Variants in CELSR3 observed in about 807,000 individuals in gnomAD.
The protein encoded by CELSR3 is cadherin EGF LAG seven-pass G-type receptor 3.
Under a neutral mutation model 270.0 loss-of-function variants are expected in CELSR3, and 73 were observed. The observed-to-expected ratio is 0.27, with a 90% confidence interval of 0.22 to 0.33. The LOEUF is 0.33. Ranked by LOEUF, CELSR3 falls within the 10% of genes least tolerant of loss-of-function variation. CELSR3 has a pLI of 1.00. For synonymous variants in CELSR3, 1,780 were observed against 1,905.4 expected (o/e 0.93, Z 1.71); for missense variants, 3,614 against 4,533.8 (o/e 0.80, Z 5.83).
rs2106716618 is a variant in CELSR3, at chr3:48,655,507, C to T, written c.4742-113G>A. The stretch of plus-strand genomic sequence containing the variant: ...CCCTGGATGCATCAGATCAGTCCCC[C>T]CACTGGTGACCACAATGGCTGGCTC... On this transcript the variant is annotated intron_variant, in intron 4 of 34. Coordinates refer to ENST00000164024, the MANE Select transcript of CELSR3 (RefSeq NM_001407.3). The surrounding 1 kb of genome is among the most constrained non-coding windows in gnomAD (Gnocchi z 5.8). The T allele has an allele frequency of 9.4e-7, 1 of 1,059,146 alleles. No individual in the cohort carries two copies. Among genetic ancestry groups the T allele is most frequent in the Non-Finnish European group, 1.4e-6 (1 of 697,154 alleles). 65.6% of individuals were successfully genotyped at this position (1,059,146 alleles called of 1,614,324 possible).
At chr3:48,649,054 G>C in intron 17 of CELSR3, 67 bp downstream of exon 17, 1 of 1,543,584 alleles carries the variant, frequency 6.5e-7, no homozygotes, top group Admixed American at 1.8e-5. Flanking sequence ...GCTAGGGTGT[G>C]GTATCTGGGG....
rs1469442691 is a variant in CELSR3, at chr3:48,650,992, T to G, written c.6270A>C (p.Ala2090=). The change falls in exon 15 of 35, where the codon GCA becomes GCC. Residue 2090 remains alanine, a synonymous_variant. Transcript: ENST00000164024. This position sits in a 1 kb window ranked among gnomAD's most constrained non-coding sequence, Gnocchi z 5.1. ...YPVGSTSRSC[A]PHSGQCPCRP... ...GACAGGGGCACTGCCCGCTGTGGGG[T>G]GCACATGAGCGCGAGGTGGAGCCCA... is the stretch of plus-strand genomic sequence containing the variant. 1.2e-6 allele frequency: 2 copies of G among 1,610,348 alleles called. No individual in the cohort carries two copies. The highest frequency in any genetic ancestry group is 1.7e-6 in the Non-Finnish European group (2 of 1,179,094).
At position 48,641,444 on chromosome 3, in the gene CELSR3, C is replaced by A. The variant is rs146285563; in HGVS notation, c.8905G>T (p.Gly2969Cys). Residue 2969 changes from glycine (G) to cysteine (C), a missense_variant, in exon 33 of 35, where the codon GGC (glycine) becomes TGC (cysteine). By Grantham distance (159) the Gly-to-Cys change is radical. Transcript: ENST00000164024. This position sits in a 1 kb window ranked among gnomAD's most constrained non-coding sequence, Gnocchi z 4.8. ...TCCAGCCCCAGGCGCCTTTCAGAGC[C>A]CCAAGTCTGCAGAGCACAGGGGGCT... ...EAAPCALQTWGSERRLGLDTS... is the reference protein window; with the variant it reads ...EAAPCALQTWCSERRLGLDTS... 1.1e-5 allele frequency: 17 copies of A among 1,612,580 alleles called. No homozygotes were observed. The highest frequency in any genetic ancestry group is 1.7e-4 in the Middle Eastern group (1 of 5,990).
chr3:48,656,422 C>G, intron 2 of CELSR3, 57 bp from the exon 3 acceptor site: 1 of 1,366,522 alleles, frequency 7.3e-7, no homozygotes, highest in South Asian at 1.7e-5. Context: ...CTGCTCCGGC[C>G]CCTTCAAAGA....
chr3:48,645,370 CT>C lies in CELSR3; in HGVS notation c.7797+72del. On this transcript the variant is annotated intron_variant, in intron 24 of 34. Coordinates refer to ENST00000164024, the MANE Select transcript of CELSR3 (RefSeq NM_001407.3). This position sits in a 1 kb window ranked among gnomAD's most constrained non-coding sequence, Gnocchi z 5.4. ...ACCTGAGCATCCCTGACCTCTGACCCTGAGTTTTGGCCCCAGGCCTCCTGGG... is the reference window on the plus strand; with the variant it reads ...ACCTGAGCATCCCTGACCTCTGACCCGAGTTTTGGCCCCAGGCCTCCTGGG... The C allele has an allele frequency of 6.3e-7, 1 of 1,595,094 alleles. No homozygotes were observed. The highest frequency in any genetic ancestry group is 8.6e-7 in the Non-Finnish European group (1 of 1,164,972).
intron 20 of CELSR3, 151 bp from the exon 21 acceptor site, chr3:48,647,079 AAG>A (rs2047090859): frequency 1.4e-6 from 1 of 694,792 alleles, no homozygotes; most frequent in Non-Finnish European, 2.2e-6. Flanking sequence ...AGTAACAGTC[AAG>A]GCCTGGGAGG....
Position 48,654,173 on chromosome 3 carries a change from T to C in CELSR3, c.5152+116A>G. 1 of 1,515,776 alleles carries C rather than the reference T, an allele frequency of 6.6e-7. No individual in the cohort carries two copies. Among genetic ancestry groups the C allele is most frequent in the Non-Finnish European group, 8.9e-7 (1 of 1,117,714 alleles). 93.9% of individuals were successfully genotyped at this position (1,515,776 alleles called of 1,614,324 possible). A position where few individuals can be genotyped will look rare whatever the true frequency, so the allele number is the denominator to read the frequency against. On this transcript the variant is annotated intron_variant, in intron 7 of 34. Transcript: ENST00000164024. The surrounding 1 kb of genome is among the most constrained non-coding windows in gnomAD (Gnocchi z 5.4). ...GAGTCAGGCCCTAAAATCTGGGCTG[T>C]AGCATGGTGCTTGCCACCAAAGGAG...
chr3:48,662,606 C>A lies in CELSR3; in HGVS notation c.29G>T (p.Gly10Val). The A allele has an allele frequency of 2.1e-6, 3 of 1,458,296 alleles. No individual in the cohort carries two copies. In the South Asian group the frequency reaches 4.2e-5, roughly 20 times the overall value. 90.3% of individuals were successfully genotyped at this position (1,458,296 alleles called of 1,614,324 possible). ...TATGGGGGTCGACCGTCCCCCGAGG[C>A]CCCGCCACGGCGGCCGCCTCGCCAT... The part of the protein sequence containing the change: MMARRPPWR[G>V]LGGRSTPILL... The change falls in exon 1 of 35, where the codon GGC becomes GTC. Residue 10 changes from glycine (G) to valine (V), a missense_variant. Coordinates refer to ENST00000164024, the MANE Select transcript of CELSR3 (RefSeq NM_001407.3). The surrounding 1 kb of genome is among the most constrained non-coding windows in gnomAD (Gnocchi z 7.1).
chr3:48,642,143 G>T lies in CELSR3; in HGVS notation c.8666-134C>A. 1.1e-6 allele frequency: 1 copy of T among 924,870 alleles called. No individual in the cohort carries two copies. The highest frequency in any genetic ancestry group is 1.6e-6 in the Non-Finnish European group (1 of 631,668). The allele number at this position is 924,870 out of a possible 1,614,324, so 57.3% of individuals were successfully genotyped here. ...ACAGGAACCGGGGCTTGAAGTGGAG[G>T]TAGCAGCAGAAGGGCTGGGACTTAT... On this transcript the variant is annotated intron_variant, in intron 31 of 34. Coordinates refer to ENST00000164024, the MANE Select transcript of CELSR3 (RefSeq NM_001407.3). This position sits in a 1 kb window ranked among gnomAD's most constrained non-coding sequence, Gnocchi z 6.1.
At chr3:48,638,491 A>G (rs13096366) in intron 34 of CELSR3, among the ~76,000 whole-genome samples, 22,164 of 152,052 alleles carry the variant, frequency 0.15, 1,930 homozygotes, top group African/African-American at 0.25. Context: ...CAGATGCTAT[A>G]TTGAGCACTT....
In CELSR3 at chr3:48,659,492, C is replaced by A; in HGVS notation, c.3143G>T (p.Arg1048Leu). ...CATCACCTGGATACTGACTGGAGTCCGGAGTGGGGGCACACCTCTGTCCAC... is the reference window on the plus strand; with the variant it reads ...CATCACCTGGATACTGACTGGAGTCAGGAGTGGGGGCACACCTCTGTCCAC... ...YAVDRGVPPL[R>L]TPVSIQVMVQ... The change falls in exon 1 of 35, where the codon CGG becomes CTG. Residue 1048 changes from arginine (R) to leucine (L), a missense_variant. Around this residue, in one of 7 missense-constraint regions of CELSR3, gnomAD observed 1,331 missense variants for 1,933.7 expected, o/e 0.69. Transcript: ENST00000164024. This position sits in a 1 kb window ranked among gnomAD's most constrained non-coding sequence, Gnocchi z 8.1. The A allele has an allele frequency of 6.2e-7, 1 of 1,614,204 alleles. No individual in the cohort carries two copies.
At chr3:48,656,454 G>A in intron 2 of CELSR3, 89 bp from the exon 3 acceptor site, 1 of 1,253,620 alleles carries the variant, frequency 8.0e-7, no homozygotes, top group Non-Finnish European at 1.0e-6. Context: ...GAGGCCGGGT[G>A]CCAAGACCCC....
rs1158467876 is a variant in CELSR3 at position 48,642,774 on chromosome 3, G to A, written c.8517C>T (p.Thr2839=). 2.5e-6 allele frequency: 4 copies of A among 1,612,446 alleles called. No individual in the cohort carries two copies. Among genetic ancestry groups the A allele is most frequent in the Non-Finnish European group, 3.4e-6 (4 of 1,179,878 alleles). ...SSVSSARSGR[T]QDQDSQRGRS... ...GGCCCCGCTGGCTGTCCTGGTCCTG[G>A]GTCCGGCCGGAGCGGGCACTGCTCA... The change falls in exon 30 of 35, where the codon ACC becomes ACT. Residue 2839 remains threonine (T), a synonymous_variant. Transcript: ENST00000164024. The surrounding 1 kb of genome is among the most constrained non-coding windows in gnomAD (Gnocchi z 6.1).
In CELSR3 at chr3:48,654,081, G is replaced by A; in HGVS notation, c.5153-78C>T. 6.3e-7 allele frequency: 1 copy of A among 1,575,852 alleles called. No individual in the cohort carries two copies. On this transcript the variant is annotated intron_variant, in intron 7 of 34. Transcript: ENST00000164024. The surrounding 1 kb of genome is among the most constrained non-coding windows in gnomAD (Gnocchi z 5.4). ...GTGCTGGACAGGACTTTAGTGTCCA[G>A]AGGGGCTGAAAGAGACCAAGATCTC...
rs1457598987 is a variant in CELSR3, at chr3:48,645,733, C to G, written c.7590+9G>C. 3 of 1,606,794 alleles carry G rather than the reference C, an allele frequency of 1.9e-6. No individual in the cohort carries two copies. The highest frequency in any genetic ancestry group is 2.6e-6 in the Non-Finnish European group (3 of 1,175,238). The stretch of plus-strand genomic sequence containing the variant: ...CCCCACTTCCTTGGGACACTGAACA[C>G]AGCCCCACCTCACGGGGAGAGGCAT... On this transcript the variant is annotated intron_variant, in intron 23 of 34. Coordinates refer to ENST00000164024, the MANE Select transcript of CELSR3 (RefSeq NM_001407.3). The surrounding 1 kb of genome is among the most constrained non-coding windows in gnomAD (Gnocchi z 5.4).
chr3:48,661,312 G>T lies in CELSR3; in HGVS notation c.1323C>A (p.Thr441=). Residue 441 remains threonine, a synonymous_variant, in exon 1 of 35, where the codon ACC becomes ACA. Coordinates refer to ENST00000164024, the MANE Select transcript of CELSR3 (RefSeq NM_001407.3). ...PVFEQAQYRE[T]LRENVEEGYP... Reference sequence around the variant, plus strand: ...AGCCCTCCTCCACATTCTCGCGAAGGGTCTCCCGGTACTGCGCTTGCTCAA... The same window carrying T: ...AGCCCTCCTCCACATTCTCGCGAAGTGTCTCCCGGTACTGCGCTTGCTCAA... The T allele has an allele frequency of 6.2e-7, 1 of 1,613,394 alleles. No individual in the cohort carries two copies. Among genetic ancestry groups the T allele is most frequent in the Admixed American group, 1.7e-5 (1 of 60,028 alleles).
rs2077025616 is a variant in CELSR3, at chr3:48,656,640, G to A, written c.4399+58C>T. 3.0e-5 allele frequency: 43 copies of A among 1,439,640 alleles called. No homozygotes were observed. In the South Asian group the frequency reaches 3.2e-4, roughly 11 times the overall value. 89.2% of individuals were successfully genotyped at this position (1,439,640 alleles called of 1,614,324 possible). On this transcript the variant is annotated intron_variant, in intron 2 of 34. Transcript: ENST00000164024. ...ACTCCCAGTACTCACTCGCATTGTG[G>A]TCCCGCCCCCAGCCTTGGCCCGTGC...
rs778736769 is a variant in CELSR3, at chr3:48,643,669, C to T, written c.8174G>A (p.Arg2725His). The T allele has an allele frequency of 4.8e-5, 74 of 1,552,162 alleles. No homozygotes were observed. Among genetic ancestry groups the T allele is most frequent in the Middle Eastern group, 1.7e-4 (1 of 6,018 alleles). Reference sequence around the variant, plus strand: ...CAGCAGAAGCAGCAGGAAGGAGCTGCGAAGGGTCCTGCTGTGGGGACATGG... The same window carrying T: ...CAGCAGAAGCAGCAGGAAGGAGCTGTGAAGGGTCCTGCTGTGGGGACATGG... Reference protein sequence around the residue: ...EAKKTSALTLRSSFLLLLLVS... With the variant: ...EAKKTSALTLHSSFLLLLLVS... The change falls in exon 28 of 35, where the codon CGC becomes CAC. Residue 2725 changes from arginine (R) to histidine (H), a missense_variant. Physicochemically the swap from Arg to His is conservative, Grantham distance 29. Around this residue, in one of 7 missense-constraint regions of CELSR3, gnomAD observed 1,240 missense variants for 1,351.7 expected, o/e 0.92. Coordinates refer to ENST00000164024, the MANE Select transcript of CELSR3 (RefSeq NM_001407.3).
intron 2 of CELSR3, 58 bp from the exon 3 acceptor site, chr3:48,656,423 C>T (rs1559480928): frequency 2.2e-6 from 3 of 1,352,650 alleles, no homozygotes; most frequent in Non-Finnish European, 2.9e-6. Context: ...TGCTCCGGCC[C>T]CTTCAAAGAC....
Sources: gnomAD v4.1 joint callset for allele counts (sites outside exome capture counted in the v4.1 genomes callset) on GRCh38, gnomAD v4.1.1 for gene constraint, gnomAD v4.1.1 regional missense constraint, Gnocchi (gnomAD v3.1) non-coding constraint, MANE v1.5 for transcripts, NCBI Gene and HGNC (gene_info 2026-07-23, HGNC 2026-07-21) for gene names.